LIFR: variants seen among roughly 807,000 people sequenced by gnomAD.
LIFR encodes the protein leukemia inhibitory factor receptor.
LIFR carries 84 observed loss-of-function variants against 122.2 expected under a neutral mutation model. The ratio of observed to expected loss-of-function variants is 0.69; its 90% confidence interval spans 0.58 to 0.82. The LOEUF is 0.82. Ranked by LOEUF, LIFR falls within the 40% of genes least tolerant of loss-of-function variation. The pLI is 0.00. For synonymous variants in LIFR, 422 were observed against 434.7 expected (o/e 0.97, Z 0.36); for missense variants, 1,294 against 1,311.6 (o/e 0.99, Z 0.21).
chr5:38,539,229 G>A (rs1351562764), intron 1 of LIFR, among the ~76,000 whole-genome samples: 5 of 152,264 alleles, frequency 3.3e-5, no homozygotes, highest in African/African-American at 1.2e-4. Context: ...GATTACAGGT[G>A]TGAGCCACCG....
rs1743726945 is a variant in LIFR at position 38,476,459 on chromosome 5, C to A, written c.*5136G>T. ...AGGAAATTCAACAACTTAAGTGAGC[C>A]ATTCAATCACGTGTGCAAAGTATTT... is the stretch of plus-strand genomic sequence containing the variant. On this transcript the variant is annotated 3_prime_UTR_variant, in exon 20 of 20. Coordinates refer to ENST00000453190, the MANE Select transcript of LIFR (RefSeq NM_001127671.2). The A allele has an allele frequency of 1.4e-5, 3 of 209,140 alleles. No individual in the cohort carries two copies. The highest frequency in any genetic ancestry group is 2.9e-5 in the Non-Finnish European group (3 of 103,382). 13.0% of individuals were successfully genotyped at this position (209,140 alleles called of 1,614,324 possible). A position where few individuals can be genotyped will look rare whatever the true frequency, so the allele number is the denominator to read the frequency against.
intron 14 of LIFR, among the ~76,000 whole-genome samples, chr5:38,492,549 C>A (rs114355403): frequency 6.6e-6 from 1 of 152,108 alleles, no homozygotes; most frequent in Admixed American, 6.5e-5. Flanking sequence ...ATAAAGGGAA[C>A]AACTCAGGAA....
rs189186538 is a variant in LIFR, at chr5:38,484,694, T to C, written c.2591+81A>G. On this transcript the variant is annotated intron_variant, in intron 18 of 19. Coordinates refer to ENST00000453190, the MANE Select transcript of LIFR (RefSeq NM_001127671.2). ...TATTACAACAAAAAAGATACACTTATTTAATACATAAACTAATCTTACAAA... is the reference window on the plus strand; with the variant it reads ...TATTACAACAAAAAAGATACACTTACTTAATACATAAACTAATCTTACAAA... 466 of 897,684 alleles carry C rather than the reference T, an allele frequency of 5.2e-4. 2 individuals carry two copies. The African/African-American group carries it at 6.4e-3, about 12-fold the overall frequency. The allele number at this position is 897,684 out of a possible 1,614,324, so 55.6% of individuals were successfully genotyped here.
In LIFR at chr5:38,571,925, T is replaced by G. The variant is rs184216019; in HGVS notation, c.-20+23336A>C. Among the ~76,000 whole-genome samples, 265 of 152,334 alleles carry G rather than the reference T, an allele frequency of 1.7e-3. 1 individual carries two copies. The highest frequency in any genetic ancestry group is 6.2e-3 in the African/African-American group (257 of 41,584). ...CAGGGAGGGCATTACCCATGAGTACTTTCAAACCGAAGGTCAATTTTGTAA... is the reference window on the plus strand; with the variant it reads ...CAGGGAGGGCATTACCCATGAGTACGTTCAAACCGAAGGTCAATTTTGTAA... On this transcript the variant is annotated intron_variant, in intron 1 of 19. Transcript: ENST00000263409.
At chr5:38,559,831 T>G (rs188397019), upstream of LIFR, among the ~76,000 whole-genome samples, 1 of 152,180 alleles carries the variant, frequency 6.6e-6, no homozygotes, top group Non-Finnish European at 1.5e-5. Context: ...GTCTGTGATC[T>G]TCTTCCCAGC....
In LIFR at chr5:38,480,174, A is replaced by G. The variant is rs1743914705; in HGVS notation, c.*1421T>C. On this transcript the variant is annotated 3_prime_UTR_variant, in exon 20 of 20. Coordinates refer to ENST00000453190, the MANE Select transcript of LIFR (RefSeq NM_001127671.2). The stretch of plus-strand genomic sequence containing the variant: ...AGACATATCTTATTCGGACACTTAA[A>G]ATTTTCAAGTACTTTTGCCTTAAAT... The G allele has an allele frequency of 4.4e-6, 1 of 229,278 alleles. No individual in the cohort carries two copies. The highest frequency in any genetic ancestry group is 1.8e-4 in the South Asian group (1 of 5,500). 14.2% of individuals were successfully genotyped at this position (229,278 alleles called of 1,614,324 possible).
chr5:38,504,275 T>C (rs746583027), intron 9 of LIFR, among the ~76,000 whole-genome samples, 154 bp from the exon 10 acceptor site: 16 of 152,084 alleles, frequency 1.1e-4, no homozygotes, highest in Non-Finnish European at 2.2e-4. Flanking sequence ...ACAAACCTAA[T>C]TTCTACTACT....
intron 1 of LIFR, among the ~76,000 whole-genome samples, 178 bp downstream of exon 1, chr5:38,556,156 C>T (rs1748521078): frequency 6.6e-6 from 1 of 152,130 alleles, no homozygotes; most frequent in Non-Finnish European, 1.5e-5. Context: ...ACGAGGGTGA[C>T]CCAAGGGCGC....
At chr5:38,513,446 G>A (rs1290164089) in intron 5 of LIFR, among the ~76,000 whole-genome samples, 5 of 152,204 alleles carry the variant, frequency 3.3e-5, no homozygotes, top group African/African-American at 7.2e-5. Context: ...CCACACTACC[G>A]AAGGACTACC....
chr5:38,587,804 T>C (rs1259097205), intron 1 of LIFR, among the ~76,000 whole-genome samples: 1 of 152,230 alleles, frequency 6.6e-6, no homozygotes, highest in Non-Finnish European at 1.5e-5. Context: ...TATTGCCTTC[T>C]AGTTTTACCA....
chr5:38,588,416 A>AAATGCAGGATGAG (rs1749818253), intron 1 of LIFR, among the ~76,000 whole-genome samples: 1 of 152,220 alleles, frequency 6.6e-6, no homozygotes, highest in Admixed American at 6.5e-5. Flanking sequence ...GAGACTGTCT[A>AAATGCAGGATGAG]ATCATTCCCC....
chr5:38,574,795 A>G (rs1749329653), intron 1 of LIFR, among the ~76,000 whole-genome samples: 1 of 152,102 alleles, frequency 6.6e-6, no homozygotes, highest in African/African-American at 2.4e-5. Flanking sequence ...GTCTTTTCCT[A>G]AGCTCTGGAC....
chr5:38,496,651 C>T lies in LIFR; in HGVS notation c.1672-56G>A, dbSNP rs529722588. On this transcript the variant is annotated intron_variant, in intron 12 of 19. Transcript: ENST00000453190. ...CCTGCAAAACGTGACTGTGACTAGG[C>T]AAGGTAATTGGGTTTAAACTGGACA... 70 of 1,302,114 alleles carry T rather than the reference C, an allele frequency of 5.4e-5. No individual in the cohort carries two copies. The East Asian group carries it at 1.6e-3, about 29-fold the overall frequency. The allele number at this position is 1,302,114 out of a possible 1,614,324, so 80.7% of individuals were successfully genotyped here.
At chr5:38,494,056 G>A (rs2112419240) in intron 13 of LIFR, among the ~76,000 whole-genome samples, 1 of 152,256 alleles carries the variant, frequency 6.6e-6, no homozygotes, top group South Asian at 2.1e-4. Flanking sequence ...GTGACATACT[G>A]GGACTAGGAC....
intron 1 of LIFR, among the ~76,000 whole-genome samples, chr5:38,549,252 T>TACAC (rs58706799): frequency 0.047 from 6,940 of 147,834 alleles, 187 homozygotes; most frequent in East Asian, 0.15. Flanking sequence ...TAGAAAATTG[T>TACAC]ACACACACAC....
chr5:38,593,075 C>A (rs747192467), intron 1 of LIFR, among the ~76,000 whole-genome samples: 41 of 152,014 alleles, frequency 2.7e-4, no homozygotes, highest in Middle Eastern at 3.4e-3. Flanking sequence ...TGGTGGTGCA[C>A]GCCTGTAATC....
intron 2 of LIFR, among the ~76,000 whole-genome samples, chr5:38,604,531 A>T (rs1750284632): frequency 6.6e-6 from 1 of 151,964 alleles, no homozygotes; most frequent in Non-Finnish European, 1.5e-5. Context: ...ACATAGTGAA[A>T]CCCCATCTCT....
upstream of LIFR, among the ~76,000 whole-genome samples, chr5:38,598,580 A>G (rs1750165708): frequency 6.6e-6 from 1 of 151,974 alleles, no homozygotes; most frequent in Admixed American, 6.5e-5. Flanking sequence ...TGAATCACTG[A>G]TAGCTGTTCC....
intron 1 of LIFR, among the ~76,000 whole-genome samples, chr5:38,567,718 G>A (rs1749073241): frequency 6.6e-6 from 1 of 151,810 alleles, no homozygotes; most frequent in African/African-American, 2.4e-5. Flanking sequence ...TAGTAGAGCC[G>A]AGGTTTTGCC....
Sources: gnomAD v4.1 joint callset for allele counts (sites outside exome capture counted in the v4.1 genomes callset) on GRCh38, gnomAD v4.1.1 for gene constraint, MANE v1.5 for transcripts, NCBI Gene and HGNC (gene_info 2026-07-23, HGNC 2026-07-21) for gene names.